The following SBNO1 variants were observed in gnomAD, a reference collection of about 807,000 sequenced individuals.
SBNO1 encodes protein strawberry notch homolog 1.
A neutral mutation model predicts 173.6 loss-of-function variants in SBNO1; 23 were observed. The observed-to-expected ratio is 0.13, with a 90% CI of 0.10 to 0.19. The LOEUF is 0.19. Among genes scored for constraint, SBNO1 ranks in the 10% least tolerant of loss-of-function variants. The probability of loss-of-function intolerance (pLI) is 1.00; values close to 1 mark genes in which losing one functional copy is unlikely to be tolerated. For synonymous variants in SBNO1, 632 were observed against 571.5 expected, an observed-to-expected ratio of 1.11 and a Z score of -1.51; for missense variants, 1,238 against 1,671.2, an observed-to-expected ratio of 0.74 and a Z score of 4.52.
At chr12:123,303,922 CTTTTTTT>C (rs11413728) in intron 29 of SBNO1, among the ~76,000 whole-genome samples, 6 of 100,464 alleles carry the variant, frequency 6.0e-5, no homozygotes, top group Admixed American at 1.6e-4. Flanking sequence ...AATAAGTATT[CTTTTTTT>C]TTTTTTTTTT....
At chr12:123,355,789 AT>A (rs1874397235) in intron 1 of SBNO1, among the ~76,000 whole-genome samples, 1 of 152,150 alleles carries the variant, frequency 6.6e-6, no homozygotes, top group African/African-American at 2.4e-5. Context: ...TCCCAAAAAA[AT>A]GAAAAATAAA....
chr12:123,346,390 C>A (rs1171861943), intron 3 of SBNO1, among the ~76,000 whole-genome samples: 1 of 152,194 alleles, frequency 6.6e-6, no homozygotes, highest in Non-Finnish European at 1.5e-5. Context: ...ATTGGCCGGG[C>A]GCGGTGGCTC....
At position 123,345,565 on chromosome 12, in the gene SBNO1, C is replaced by G. The variant is rs753376399; in HGVS notation, c.243G>C (p.Gln81His). ...GCACAAATGTTGTAGTAGATGGAGG[C>G]TGCTGCTAGATAGAAAACAAAAAAC... ...PTPALLNVRQ[Q>H]PPSTTTFVLN... The change falls in exon 4 of 32, where the codon CAG becomes CAC. Residue 81 changes from glutamine (Q) to histidine (H), a missense_variant. Physicochemically the swap from Gln to His is conservative, Grantham distance 24. Transcript: ENST00000602398. 10 of 1,612,246 alleles carry G rather than the reference C, an allele frequency of 6.2e-6. No individual in the cohort carries two copies. The highest frequency in any genetic ancestry group is 7.6e-6 in the Non-Finnish European group (9 of 1,178,678).
chr12:123,339,477 G>C (rs757595201), intron 5 of SBNO1, among the ~76,000 whole-genome samples: 3 of 151,908 alleles, frequency 2.0e-5, no homozygotes, highest in Non-Finnish European at 2.9e-5. Flanking sequence ...TGGCTCAATG[G>C]TGCTAGACTA....
At chr12:123,358,401 A>G (rs1043806053) in intron 1 of SBNO1, among the ~76,000 whole-genome samples, 1 of 152,190 alleles carries the variant, frequency 6.6e-6, no homozygotes, top group African/African-American at 2.4e-5. Flanking sequence ...AAGATAACCC[A>G]TGAGTATCAA....
chr12:123,300,901 G>T (rs2048764448), intron 30 of SBNO1, among the ~76,000 whole-genome samples: 2 of 150,440 alleles, frequency 1.3e-5, no homozygotes, highest in African/African-American at 4.9e-5. Flanking sequence ...GGAGGTTGCA[G>T]TGAGCTGAGA....
At chr12:123,358,243 A>ATC (rs2139099863) in intron 1 of SBNO1, among the ~76,000 whole-genome samples, 1 of 152,378 alleles carries the variant, frequency 6.6e-6, no homozygotes, top group South Asian at 2.1e-4. Flanking sequence ...TTGGACTGTG[A>ATC]TCACTCACGT....
chr12:123,330,610 A>G (rs1871100622), intron 8 of SBNO1, 101 bp from the exon 9 acceptor site: 3 of 610,120 alleles, frequency 4.9e-6, no homozygotes, highest in South Asian at 4.1e-5. Flanking sequence ...AAAAAAAAAA[A>G]AAAAAAGAAA....
intron 8 of SBNO1, among the ~76,000 whole-genome samples, chr12:123,331,019 G>C (rs1167984364): frequency 6.6e-6 from 1 of 152,104 alleles, no homozygotes; most frequent in African/African-American, 2.4e-5. Context: ...CTGGAGTGCA[G>C]AGGAACAATG....
intron 24 of SBNO1, among the ~76,000 whole-genome samples, chr12:123,311,748 A>ATATATATT (rs1255479099): frequency 1.3e-3 from 172 of 134,334 alleles, no homozygotes; most frequent in African/African-American, 4.6e-3. Flanking sequence ...ATATATATAT[A>ATATATATT]TTTTTGCGAC....
chr12:123,343,450 A>G (rs1026566192), intron 4 of SBNO1, among the ~76,000 whole-genome samples: 5 of 151,984 alleles, frequency 3.3e-5, no homozygotes, highest in Non-Finnish European at 5.9e-5. Context: ...CTGCAGTTTC[A>G]TATTTTCAAT....
intron 24 of SBNO1, among the ~76,000 whole-genome samples, chr12:123,312,363 T>C (rs1021275658): frequency 2.0e-5 from 3 of 152,150 alleles, no homozygotes; most frequent in African/African-American, 4.8e-5. Flanking sequence ...CAATATGAAC[T>C]GTTAACAACA....
At chr12:123,327,033 T>A (rs1428804797) in intron 13 of SBNO1, among the ~76,000 whole-genome samples, 4 of 152,142 alleles carry the variant, frequency 2.6e-5, no homozygotes, top group African/African-American at 9.7e-5. Flanking sequence ...TGCGATGGAG[T>A]ATCCCTCTGT....
chr12:123,334,316 TA>T, intron 6 of SBNO1, 103 bp from the exon 7 acceptor site: 1 of 754,520 alleles, frequency 1.3e-6, no homozygotes, highest in South Asian at 2.0e-5. Flanking sequence ...CATAGAAAAA[TA>T]ATTAAAAAGT....
At chr12:123,324,479 G>A (rs532859531) in intron 15 of SBNO1, among the ~76,000 whole-genome samples, 1 of 151,808 alleles carries the variant, frequency 6.6e-6, no homozygotes, top group Non-Finnish European at 1.5e-5. Flanking sequence ...CCGCCACCAC[G>A]CCTGGCTAGT....
At chr12:123,304,879 A>G (rs557707006) in intron 28 of SBNO1, among the ~76,000 whole-genome samples, 160 bp from the exon 29 acceptor site, 1 of 152,292 alleles carries the variant, frequency 6.6e-6, no homozygotes, top group South Asian at 2.1e-4. Flanking sequence ...TAAAAGACTA[A>G]CACAGTCACA....
intron 28 of SBNO1, 69 bp downstream of exon 28, chr12:123,309,241 G>A: frequency 8.9e-7 from 1 of 1,118,428 alleles, no homozygotes; most frequent in Non-Finnish European, 1.4e-6. Flanking sequence ...ACAAAGTGAA[G>A]AGACAATTAC....
intron 30 of SBNO1, among the ~76,000 whole-genome samples, chr12:123,301,605 C>G (rs1458791822): frequency 6.6e-6 from 1 of 152,152 alleles, no homozygotes; most frequent in African/African-American, 2.4e-5. Flanking sequence ...ACAAAGTGAA[C>G]ACTGTAAGCC....
intron 4 of SBNO1, 136 bp from the exon 5 acceptor site, chr12:123,341,224 G>A (rs576476633): frequency 8.9e-6 from 5 of 562,636 alleles, no homozygotes; most frequent in East Asian, 3.2e-5. Flanking sequence ...ACCAAGGCGG[G>A]TGAATTACAA....
Sources: gnomAD v4.1 joint callset for allele counts (sites outside exome capture counted in the v4.1 genomes callset) on GRCh38, gnomAD v4.1.1 for gene constraint, MANE v1.5 for transcripts, NCBI Gene and HGNC (gene_info 2026-07-23, HGNC 2026-07-21) for gene names.